KITLG: variants seen among roughly 807,000 people sequenced by gnomAD.
KITLG encodes c-Kit ligand.
KITLG carries 13 observed loss-of-function variants against 34.1 expected under a neutral mutation model. The observed-to-expected ratio is 0.38, with a 90% CI of 0.25 to 0.61. KITLG has a LOEUF of 0.61. KITLG is among the 20% of genes least tolerant of loss of function. The pLI is 0.60. For synonymous variants in KITLG, 110 were observed against 104.0 expected, an observed-to-expected ratio of 1.06 and a Z score of -0.35; for missense variants, 292 against 318.9, an observed-to-expected ratio of 0.92 and a Z score of 0.64.
At chr12:88,561,722 C>T (rs1871304518) in intron 1 of KITLG, among the ~76,000 whole-genome samples, 1 of 152,196 alleles carries the variant, frequency 6.6e-6, no homozygotes, top group African/African-American at 2.4e-5. Flanking sequence ...TCCATGTTTA[C>T]GCCTTAGTAA....
At chr12:88,505,314 AG>A in intron 8 of KITLG, 79 bp from the exon 9 acceptor site, 1 of 1,159,400 alleles carries the variant, frequency 8.6e-7, no homozygotes, top group East Asian at 2.4e-5. Flanking sequence ...GCATTGTAAA[AG>A]GCAGCTTTTC....
intron 1 of KITLG, among the ~76,000 whole-genome samples, chr12:88,576,508 C>T (rs2120995506): frequency 6.6e-6 from 1 of 152,230 alleles, no homozygotes; most frequent in Admixed American, 6.5e-5. Context: ...GGTATAAAGA[C>T]ACATATAAAA....
intron 9 of KITLG, among the ~76,000 whole-genome samples, chr12:88,498,916 A>G (rs1868747602): frequency 1.3e-5 from 2 of 152,184 alleles, no homozygotes; most frequent in South Asian, 2.1e-4. Context: ...AGAGAATTAA[A>G]TGTAGAGAAG....
rs114841261 is a variant in KITLG at position 88,533,469 on chromosome 12, G to A, written c.130-966C>T. Among the ~76,000 whole-genome samples, 1,340 of 152,262 alleles carry A rather than the reference G, an allele frequency of 8.8e-3. 26 individuals carry two copies. Among genetic ancestry groups the A allele is most frequent in the African/African-American group, 0.03 (1,266 of 41,552 alleles). ...CTTTGGAGGCATATAACCCTAGTAA[G>A]TTACAGAGTTCTAGGTTCTCTTCCT... On this transcript the variant is annotated intron_variant, in intron 2 of 9. Transcript: ENST00000644744.
chr12:88,516,906 T>C (rs1054077128), intron 4 of KITLG, among the ~76,000 whole-genome samples: 7 of 150,954 alleles, frequency 4.6e-5, no homozygotes, highest in African/African-American at 1.2e-4. Context: ...AGTCAGATGA[T>C]ACTAAATATT....
At chr12:88,522,858 G>A (rs536827583) in intron 3 of KITLG, among the ~76,000 whole-genome samples, 63 of 152,134 alleles carry the variant, frequency 4.1e-4, no homozygotes, top group Non-Finnish European at 6.8e-4. Context: ...TATTCACAGA[G>A]AGATATCTAT....
At chr12:88,555,831 A>G (rs1427562956) in intron 1 of KITLG, among the ~76,000 whole-genome samples, 1 of 152,196 alleles carries the variant, frequency 6.6e-6, no homozygotes, top group Non-Finnish European at 1.5e-5. Context: ...ACATGTATGG[A>G]GTATCTAATA....
Position 88,538,878 on chromosome 12 carries a change from A to C in KITLG, c.130-6375T>G, listed in dbSNP as rs539928643. Among the ~76,000 whole-genome samples the C allele has an allele frequency of 2.6e-5, 4 of 152,294 alleles. 1 individual carries two copies. Among genetic ancestry groups the C allele is most frequent in the African/African-American group, 9.6e-5 (4 of 41,570 alleles). ...GCCAGATTGTAAAATAAAAAACTGC[A>C]AAAACAAGTTACTGGATGATGAGCT... is the stretch of plus-strand genomic sequence containing the variant. On this transcript the variant is annotated intron_variant, in intron 2 of 9. Coordinates refer to ENST00000644744, the MANE Select transcript of KITLG (RefSeq NM_000899.5).
chr12:88,565,298 C>T (rs1303961096), intron 1 of KITLG, among the ~76,000 whole-genome samples: 1 of 152,052 alleles, frequency 6.6e-6, no homozygotes, highest in Non-Finnish European at 1.5e-5. Flanking sequence ...ATCCATTTAC[C>T]ATATTTGTAA....
At chr12:88,542,065 T>C (rs1394144654) in intron 2 of KITLG, among the ~76,000 whole-genome samples, 1 of 152,162 alleles carries the variant, frequency 6.6e-6, no homozygotes, top group Non-Finnish European at 1.5e-5. Context: ...CAAAGCAAAT[T>C]CCTCTCATCC....
intron 6 of KITLG, among the ~76,000 whole-genome samples, chr12:88,507,621 T>C (rs533950812): frequency 1.1e-4 from 16 of 152,306 alleles, no homozygotes; most frequent in Admixed American, 7.8e-4. Context: ...ACTGTGGTTA[T>C]AGTATTTTTA....
intron 1 of KITLG, among the ~76,000 whole-genome samples, chr12:88,573,511 T>C (rs1403446742): frequency 6.6e-6 from 1 of 152,060 alleles, no homozygotes; most frequent in Non-Finnish European, 1.5e-5. Flanking sequence ...AAGCCAATAA[T>C]GAGATGCAAT....
In KITLG at chr12:88,540,430, T is replaced by A. The variant is rs145666453; in HGVS notation, c.129+5322A>T. Among the ~76,000 whole-genome samples, 508 of 152,272 alleles carry A rather than the reference T, an allele frequency of 3.3e-3. 4 individuals are homozygous for A. Among genetic ancestry groups the A allele is most frequent in the African/African-American group, 0.012 (490 of 41,558 alleles). On this transcript the variant is annotated intron_variant, in intron 2 of 9. Coordinates refer to ENST00000644744, the MANE Select transcript of KITLG (RefSeq NM_000899.5). Reference sequence around the variant, plus strand: ...GCTAAAAATAGTTATCTTGTAAGGTTATGAAAAGTAAAGGAGACAATCCAT... The same window carrying A: ...GCTAAAAATAGTTATCTTGTAAGGTAATGAAAAGTAAAGGAGACAATCCAT...
intron 1 of KITLG, among the ~76,000 whole-genome samples, chr12:88,563,382 C>T (rs1871351405): frequency 1.3e-5 from 2 of 152,110 alleles, no homozygotes; most frequent in African/African-American, 4.8e-5. Context: ...AAAACAAAAC[C>T]AGCTACCTTT....
rs1871601025 is a variant in KITLG, at chr12:88,570,242, A to C, written c.15+10022T>G. Reference sequence around the variant, plus strand: ...TTCCATAAAGTAAGACGACATCTTTAGAGTTTACAATGAGATTCCCTCACA... The same window carrying C: ...TTCCATAAAGTAAGACGACATCTTTCGAGTTTACAATGAGATTCCCTCACA... On this transcript the variant is annotated intron_variant, in intron 1 of 9. Coordinates refer to ENST00000644744, the MANE Select transcript of KITLG (RefSeq NM_000899.5). Among the ~76,000 whole-genome samples, 4 of 152,208 alleles carry C rather than the reference A, an allele frequency of 2.6e-5. No homozygotes were observed. In the South Asian group the frequency reaches 8.3e-4, roughly 31 times the overall value.
In KITLG at chr12:88,505,210, ACTCT is replaced by A. The variant is rs760961616; in HGVS notation, c.804_807del (p.Arg268SerfsTer29). 2.5e-6 allele frequency: 4 copies of A among 1,610,382 alleles called. No homozygotes were observed. The highest frequency in any genetic ancestry group is 2.2e-5 in the East Asian group (1 of 44,762). On this transcript the variant is annotated frameshift_variant, in exon 9 of 10. Transcript: ENST00000644744. LOFTEE classifies it high-confidence loss of function. ...ACAAGCCACAATTACACTTCTTGAA[ACTCT>A]CTCTCTTTCTCTTGCAACATACTGA...
At chr12:88,502,799 A>G (rs922505920) in intron 9 of KITLG, among the ~76,000 whole-genome samples, 5 of 152,180 alleles carry the variant, frequency 3.3e-5, no homozygotes, top group African/African-American at 1.2e-4. Context: ...ACAACAGAGG[A>G]CATTACTTGA....
intron 2 of KITLG, among the ~76,000 whole-genome samples, chr12:88,542,735 C>T (rs1002070976): frequency 3.3e-5 from 5 of 152,070 alleles, no homozygotes; most frequent in African/African-American, 1.2e-4. Flanking sequence ...TAGTTGGAAA[C>T]ATTAGGGTTC....
rs1166225645 is a variant in KITLG at position 88,496,456 on chromosome 12, T to C, written c.*763A>G. 1 of 152,230 alleles carries C rather than the reference T, an allele frequency of 6.6e-6. No individual in the cohort carries two copies. The highest frequency in any genetic ancestry group is 2.4e-5 in the African/African-American group (1 of 41,466). 9.4% of individuals were successfully genotyped at this position (152,230 alleles called of 1,614,324 possible). On this transcript the variant is annotated 3_prime_UTR_variant, in exon 10 of 10. Coordinates refer to ENST00000644744, the MANE Select transcript of KITLG (RefSeq NM_000899.5). ...GCCAATGTCCTTCTTGGCAGACTGT[T>C]CTGATGTTCAGTGTTCTTAACTTCT...
Sources: allele counts gnomAD v4.1 joint callset (sites outside exome capture counted in the v4.1 genomes callset), GRCh38; gene constraint gnomAD v4.1.1; transcripts MANE v1.5; gene names NCBI Gene and HGNC (gene_info 2026-07-23, HGNC 2026-07-21).